The following RAB33A variants were observed in gnomAD, a reference collection of about 807,000 sequenced individuals.
RAB33A encodes ras-related protein Rab-33A.
A neutral mutation model predicts 12.0 loss-of-function variants in RAB33A; 6 were observed. The observed-to-expected ratio is 0.50, with a 90% CI of 0.27 to 0.99. RAB33A has a LOEUF of 0.99. Ranked by LOEUF, RAB33A falls within the 50% of genes least tolerant of loss-of-function variation. The pLI is 0.11. For synonymous variants in RAB33A, 70 were observed against 82.4 expected, an observed-to-expected ratio of 0.85 and a Z score of 0.81; for missense variants, 109 against 192.0, an observed-to-expected ratio of 0.57 and a Z score of 2.55.
chrX:130,159,598 A>G, the RAB33A span, among the ~76,000 whole-genome samples: 14 of 111,168 alleles, frequency 1.3e-4, no homozygotes, highest in East Asian at 3.6e-3. Context: ...TTTACTAAAA[A>G]TAAATTTTTT....
the RAB33A span, among the ~76,000 whole-genome samples, chrX:130,141,787 C>G: frequency 8.9e-6 from 1 of 111,934 alleles, no homozygotes; most frequent in Admixed American, 9.5e-5. Context: ...TCTCCTAAAC[C>G]TCTCCTCCTA....
the RAB33A span, among the ~76,000 whole-genome samples, chrX:130,121,614 C>T: frequency 8.9e-6 from 1 of 112,749 alleles, no homozygotes; most frequent in Non-Finnish European, 1.9e-5. Context: ...TTCGGTGGGG[C>T]AGCTGGGAGG....
At chrX:130,165,523 T>G in the RAB33A span, 7 of 1,149,937 alleles carry the variant, frequency 6.1e-6, no homozygotes, top group Non-Finnish European at 8.2e-6. Context: ...CCCTCGGACT[T>G]GGAGGTTGCC....
At chrX:130,156,768 C>T in the RAB33A span, among the ~76,000 whole-genome samples, 1 of 112,250 alleles carries the variant, frequency 8.9e-6, no homozygotes, top group Non-Finnish European at 1.9e-5. Context: ...ATACTACAGA[C>T]AGCTGAATGA....
chrX:130,156,502 C>G, the RAB33A span: 1 of 1,211,752 alleles, frequency 8.3e-7, no homozygotes, highest in Non-Finnish European at 1.1e-6. Flanking sequence ...ACAATAAGGA[C>G]TAACACAGAA....
At chrX:130,130,148 T>A in the RAB33A span, 3 of 1,211,989 alleles carry the variant, frequency 2.5e-6, no homozygotes, top group Non-Finnish European at 3.3e-6. Flanking sequence ...TGTCTCACTC[T>A]CTGATCGGAT....
the RAB33A span, among the ~76,000 whole-genome samples, chrX:130,122,582 G>A: frequency 1.7e-4 from 19 of 112,183 alleles, no homozygotes; most frequent in Admixed American, 1.9e-4. Flanking sequence ...GGGGTGGGAG[G>A]TAGAAGGGCT....
chrX:130,183,074 T>G (rs1276044787), intron 1 of RAB33A, among the ~76,000 whole-genome samples: 2 of 106,589 alleles, frequency 1.9e-5, no homozygotes, highest in Admixed American at 2.0e-4. Flanking sequence ...CTGGCTAATT[T>G]TTTTTGTATT....
intron 1 of RAB33A, 133 bp downstream of exon 1, chrX:130,172,453 G>A (rs757506304): frequency 1.5e-4 from 127 of 848,803 alleles, no homozygotes; most frequent in Admixed American, 3.9e-4. Flanking sequence ...GAGGACCCTC[G>A]GCTCCTCCTC....
the RAB33A span, among the ~76,000 whole-genome samples, chrX:130,142,531 A>T: frequency 2.7e-5 from 3 of 111,435 alleles, no homozygotes; most frequent in Admixed American, 1.9e-4. Flanking sequence ...AATAGGTCCC[A>T]CCTTTGATTC....
At chrX:130,172,428 G>A in intron 1 of RAB33A, 108 bp downstream of exon 1, 1 of 1,018,737 alleles carries the variant, frequency 9.8e-7, no homozygotes, top group Non-Finnish European at 1.3e-6. Flanking sequence ...TGGCGGTTTC[G>A]CCTCTTGCTG....
chrX:130,170,190 C>A (rs1413262670), upstream of RAB33A, among the ~76,000 whole-genome samples: 1 of 112,697 alleles, frequency 8.9e-6, no homozygotes, highest in Non-Finnish European at 1.9e-5. Flanking sequence ...AGCTAATAAA[C>A]TTATTAACTG....
chrX:130,116,220 C>T, the RAB33A span, among the ~76,000 whole-genome samples: 6 of 107,831 alleles, frequency 5.6e-5, no homozygotes, highest in Non-Finnish European at 9.6e-5. Context: ...ATTCTCCTGC[C>T]TCAGCCCTCC....
At chrX:130,172,626 A>C (rs887524927) in intron 1 of RAB33A, among the ~76,000 whole-genome samples, 2 of 111,788 alleles carry the variant, frequency 1.8e-5, no homozygotes, top group African/African-American at 3.3e-5. Flanking sequence ...GAGCAGCGGC[A>C]CCTGTGGGCA....
chrX:130,136,118 C>G, the RAB33A span: 1 of 1,211,896 alleles, frequency 8.3e-7, no homozygotes, highest in African/African-American at 1.7e-5. Flanking sequence ...TATTTCCAGG[C>G]CACCAGTCTT....
At chrX:130,159,027 A>G in the RAB33A span, among the ~76,000 whole-genome samples, 4 of 111,946 alleles carry the variant, frequency 3.6e-5, no homozygotes, top group Non-Finnish European at 3.8e-5. Flanking sequence ...ACTTTGAATT[A>G]TCTGGTCTTA....
chrX:130,153,554 T>A, the RAB33A span, among the ~76,000 whole-genome samples: 1 of 111,131 alleles, frequency 9.0e-6, no homozygotes, highest in Non-Finnish European at 1.9e-5. Context: ...ATTCCTATAT[T>A]GAAGCCTTAA....
chrX:130,172,448 C>T, intron 1 of RAB33A, 128 bp downstream of exon 1: 1 of 855,660 alleles, frequency 1.2e-6, no homozygotes, highest in Non-Finnish European at 1.6e-6. Flanking sequence ...GAGCCGAGGA[C>T]CCTCGGCTCC....
At chrX:130,131,532 G>T in the RAB33A span, 2 of 874,495 alleles carry the variant, frequency 2.3e-6, no homozygotes, top group South Asian at 2.1e-5. Flanking sequence ...GTGAGGACTT[G>T]GGGTTTGGTT....
Sources: allele counts gnomAD v4.1 joint callset (sites outside exome capture counted in the v4.1 genomes callset), GRCh38; gene constraint gnomAD v4.1.1; transcripts MANE v1.5; gene names NCBI Gene and HGNC (gene_info 2026-07-23, HGNC 2026-07-21).